Variants in ADPRHL1 observed in about 807,000 individuals in gnomAD.
ADPRHL1 encodes the protein ADP-ribosylhydrolase like 1.
ADPRHL1 carries 43 observed loss-of-function variants against 44.1 expected under a neutral mutation model. That is an observed-to-expected ratio of 0.98 (90% CI 0.76 to 1.26). ADPRHL1 has a LOEUF of 1.26. Among genes scored for constraint, ADPRHL1 ranks in the 50% most tolerant of loss-of-function variants. ADPRHL1 has a pLI of 0.00. For synonymous variants in ADPRHL1, 878 were observed against 1,017.4 expected (o/e 0.86, Z 2.61); for missense variants, 2,022 against 2,496.9 (o/e 0.81, Z 4.05).
In ADPRHL1 at chr13:113,407,077, G is replaced by A. The variant is rs574135709; in HGVS notation, c.2205C>T (p.Thr735=). Residue 735 remains threonine, a synonymous_variant, in exon 8 of 8, where the codon ACC becomes ACT. Transcript: ENST00000612156. Reference sequence around the variant, plus strand: ...CAGTCCCATCACCTCCGGCTGATCCGGTGCCCCAAGGGCTGGCCGGTCCCA... The same window carrying A: ...CAGTCCCATCACCTCCGGCTGATCCAGTGCCCCAAGGGCTGGCCGGTCCCA... ...SPLGPASPWG[T]GSAGGDGTAD... is the part of the protein sequence containing the mutation. The A allele has an allele frequency of 1.5e-5, 18 of 1,232,228 alleles. No individual in the cohort carries two copies. Among genetic ancestry groups the A allele is most frequent in the Admixed American group, 8.4e-5 (2 of 23,722 alleles). The allele number at this position is 1,232,228 out of a possible 1,614,324, so 76.3% of individuals were successfully genotyped here.
chr13:113,403,699 G>A lies in ADPRHL1; in HGVS notation c.5583C>T (p.Tyr1861=). 1.6e-6 allele frequency: 2 copies of A among 1,231,970 alleles called. No individual in the cohort carries two copies. Among genetic ancestry groups the A allele is most frequent in the Non-Finnish European group, 1.0e-6 (1 of 988,232 alleles). 76.3% of individuals were successfully genotyped at this position (1,231,970 alleles called of 1,614,324 possible). A position where few individuals can be genotyped will look rare whatever the true frequency, so the allele number is the denominator to read the frequency against. ...TGAGGGGGCGGCTTCCTGGGGGTGG[G>A]TACCCGGCGCTGGGCTCCCCCAGGC... is the stretch of plus-strand genomic sequence containing the variant. The part of the protein sequence containing the change: ...GSGLGEPSAG[Y]PPPGSRPLRG... Residue 1861 remains tyrosine, a synonymous_variant, in exon 8 of 8, where the codon TAC becomes TAT. Transcript: ENST00000612156.
intron 7 of ADPRHL1, among the ~76,000 whole-genome samples, chr13:113,416,631 T>C (rs527962852): frequency 6.6e-6 from 1 of 152,288 alleles, no homozygotes; most frequent in African/African-American, 2.4e-5. Flanking sequence ...TACAAACATA[T>C]AGATTATAAA....
At chr13:113,450,904 C>G (rs1467946708) in intron 1 of ADPRHL1, among the ~76,000 whole-genome samples, 1 of 151,538 alleles carries the variant, frequency 6.6e-6, no homozygotes, top group Non-Finnish European at 1.5e-5. Flanking sequence ...AGGCCCTCCA[C>G]AAGAGGTGGA....
chr13:113,412,329 C>T (rs373735543), intron 7 of ADPRHL1, among the ~76,000 whole-genome samples: 2 of 152,210 alleles, frequency 1.3e-5, no homozygotes, highest in Admixed American at 6.5e-5. Flanking sequence ...AGGCGCCCGC[C>T]ACCACGCCCG....
chr13:113,414,682 T>TG (rs1440242876), intron 7 of ADPRHL1, among the ~76,000 whole-genome samples: 1 of 150,326 alleles, frequency 6.7e-6, no homozygotes, highest in African/African-American at 2.4e-5. Context: ...GTTTTCTGTT[T>TG]TTTTTTTTTT....
In ADPRHL1 at chr13:113,403,507, G is replaced by A. The variant is rs9604099; in HGVS notation, c.5775C>T (p.Pro1925=). ...GGTGCCTGGACCTCCCGCGACGCTC[G>A]GGCTCCGATGCCTCCATCCTGTCCT... ...ALQDRMEASE[P]ERRGRSRHLA... is the part of the protein sequence containing the mutation. Residue 1925 remains proline, a synonymous_variant, in exon 8 of 8, where the codon CCC becomes CCT. Transcript: ENST00000612156. 0.61 allele frequency: 755,991 copies of A among 1,231,750 alleles called. 237,397 individuals are homozygous for A. The highest frequency in any genetic ancestry group is 0.84 in the African/African-American group (54,088 of 64,398). The allele number at this position is 1,231,750 out of a possible 1,614,324, so 76.3% of individuals were successfully genotyped here. A position where few individuals can be genotyped will look rare whatever the true frequency, so the allele number is the denominator to read the frequency against.
chr13:113,400,706 T>C lies in ADPRHL1; in HGVS notation c.*2672A>G, dbSNP rs1364065503. ...TCCTGGTGAAGTCACTGGCAGTTTTTTCCTGCACACAGAGTAGCTGTGCTG... is the reference window on the plus strand; with the variant it reads ...TCCTGGTGAAGTCACTGGCAGTTTTCTCCTGCACACAGAGTAGCTGTGCTG... On this transcript the variant is annotated 3_prime_UTR_variant, in exon 8 of 8. Coordinates refer to ENST00000612156, the MANE Select transcript of ADPRHL1 (RefSeq NM_001394807.1). 1 of 152,268 alleles carries C rather than the reference T, an allele frequency of 6.6e-6. No homozygotes were observed. Among genetic ancestry groups the C allele is most frequent in the Admixed American group, 6.5e-5 (1 of 15,286 alleles). The allele number at this position is 152,268 out of a possible 1,614,324, so 9.4% of individuals were successfully genotyped here. A position where few individuals can be genotyped will look rare whatever the true frequency, so the allele number is the denominator to read the frequency against.
At chr13:113,435,461 G>A (rs2044046533) in intron 2 of ADPRHL1, among the ~76,000 whole-genome samples, 5 of 119,506 alleles carry the variant, frequency 4.2e-5, no homozygotes, top group African/African-American at 1.4e-4. Flanking sequence ...GTGAACATAG[G>A]TGTACCCCGG....
chr13:113,407,972 A>C lies in ADPRHL1; in HGVS notation c.1310T>G (p.Leu437Arg), dbSNP rs993960009. 1.4e-5 allele frequency: 17 copies of C among 1,232,100 alleles called. No individual in the cohort carries two copies. The Admixed American group carries it at 5.9e-4, about 43-fold the overall frequency. The allele number at this position is 1,232,100 out of a possible 1,614,324, so 76.3% of individuals were successfully genotyped here. Residue 437 changes from leucine (L) to arginine (R), a missense_variant, in exon 8 of 8, where the codon CTG becomes CGG. Physicochemically the swap from Leu to Arg is moderately radical, Grantham distance 102. Around this residue, in one of 8 missense-constraint regions of ADPRHL1, gnomAD observed 1,221 missense variants for 1,517.8 expected, o/e 0.80. Coordinates refer to ENST00000612156, the MANE Select transcript of ADPRHL1 (RefSeq NM_001394807.1). ...GAGGTAGCGCTCCCGGCCAGTGCCC[A>C]GGAACTTGGCCTGCAGGAGCTGGAA... ...TRFQLLQAKF[L>R]GTGRERYLKR...
intron 7 of ADPRHL1, among the ~76,000 whole-genome samples, chr13:113,420,952 C>CA (rs1333454753): frequency 1.3e-4 from 5 of 38,732 alleles, no homozygotes; most frequent in South Asian, 1.8e-3. Flanking sequence ...ACCCTACCCC[C>CA]CCCGACACGC....
intron 7 of ADPRHL1, among the ~76,000 whole-genome samples, chr13:113,413,927 A>G (rs75950423): frequency 0.026 from 3,966 of 152,282 alleles, 173 homozygotes; most frequent in African/African-American, 0.087. Flanking sequence ...TGAAAATACA[A>G]TGAGACTAGA....
In ADPRHL1 at chr13:113,404,511, GC is replaced by G; in HGVS notation, c.4770del (p.Gln1591ArgfsTer32). The G allele has an allele frequency of 7.7e-7, 1 of 1,304,662 alleles. No individual in the cohort carries two copies. The highest frequency in any genetic ancestry group is 2.5e-5 in the South Asian group (1 of 40,026). The allele number at this position is 1,304,662 out of a possible 1,614,324, so 80.8% of individuals were successfully genotyped here. On this transcript the variant is annotated frameshift_variant, in exon 8 of 8. Coordinates refer to ENST00000612156, the MANE Select transcript of ADPRHL1 (RefSeq NM_001394807.1). LOFTEE classifies it low-confidence loss of function (END_TRUNC). ...VQGQAQKWAQ[G>X]QIQGQAQKQV... ...TGTTTCTGGGCCTGTCCCTGAATCT[GC>G]CCCTGAGCCCATTTCTGGGCCTGTC...
At chr13:113,418,655 CAT>C (rs1254049076) in intron 7 of ADPRHL1, among the ~76,000 whole-genome samples, 1 of 152,172 alleles carries the variant, frequency 6.6e-6, no homozygotes, top group Non-Finnish European at 1.5e-5. Context: ...TGAGGACACA[CAT>C]GTCCTTTCTC....
Position 113,433,723 on chromosome 13 carries a change from A to G in ADPRHL1, c.505+19T>C. The G allele has an allele frequency of 7.5e-7, 1 of 1,327,810 alleles. No individual in the cohort carries two copies. Among genetic ancestry groups the G allele is most frequent in the Non-Finnish European group, 9.7e-7 (1 of 1,025,826 alleles). The allele number at this position is 1,327,810 out of a possible 1,614,324, so 82.3% of individuals were successfully genotyped here. A position where few individuals can be genotyped will look rare whatever the true frequency, so the allele number is the denominator to read the frequency against. ...CGCACTCCACGCTGACCTCCCTCCC[A>G]CCCCCCGCCCACACTTACCTGTGGG... On this transcript the variant is annotated intron_variant, in intron 3 of 7. Coordinates refer to ENST00000612156, the MANE Select transcript of ADPRHL1 (RefSeq NM_001394807.1).
Position 113,433,821 on chromosome 13 carries a change from C to T in ADPRHL1, c.426G>A (p.Arg142=). The change falls in exon 3 of 8, where the codon CGG becomes CGA. Residue 142 remains arginine (R), a synonymous_variant. Transcript: ENST00000612156. ...TCTCCAGCCGCTCAGGCTTCCAGTA[C>T]CGCAGGCCGATGCACATGGCCTTGG... is the stretch of plus-strand genomic sequence containing the variant. ...AATKAMCIGL[R]YWKPERLETL... The T allele has an allele frequency of 6.3e-7, 1 of 1,579,132 alleles. No individual in the cohort carries two copies. Among genetic ancestry groups the T allele is most frequent in the Non-Finnish European group, 8.6e-7 (1 of 1,162,868 alleles).
rs373880722 is a variant in ADPRHL1, at chr13:113,406,004, C to T, written c.3278G>A (p.Arg1093His). 12 of 1,232,004 alleles carry T rather than the reference C, an allele frequency of 9.7e-6. No individual in the cohort carries two copies. Among genetic ancestry groups the T allele is most frequent in the African/African-American group, 9.3e-5 (6 of 64,436 alleles). 76.3% of individuals were successfully genotyped at this position (1,232,004 alleles called of 1,614,324 possible). Reference sequence around the variant, plus strand: ...ATTTAATGAGGACAGTGGGTTCTCGCGAACATCATGGCTGGTGATTTCCTC... The same window carrying T: ...ATTTAATGAGGACAGTGGGTTCTCGTGAACATCATGGCTGGTGATTTCCTC... The part of the protein sequence containing the change: ...AAEEITSHDV[R>H]ENPLSSLNEP... The change falls in exon 8 of 8, where the codon CGC becomes CAC. Residue 1093 changes from arginine (R) to histidine (H), a missense_variant. Coordinates refer to ENST00000612156, the MANE Select transcript of ADPRHL1 (RefSeq NM_001394807.1).
At position 113,405,464 on chromosome 13, in the gene ADPRHL1, G is replaced by A. The variant is rs1000583084; in HGVS notation, c.3818C>T (p.Ala1273Val). ...GCTGGGGGACTCTGCCACGCTCCTT[G>A]CCTGTGGCCTAGGATGATCAGAAGC... ...IPASDHPRPQ[A>V]RSVAESPSYG... The change falls in exon 8 of 8, where the codon GCA (alanine) becomes GTA (valine). Residue 1273 changes from alanine to valine, a missense_variant. Transcript: ENST00000612156. 1.1e-5 allele frequency: 14 copies of A among 1,231,874 alleles called. No homozygotes were observed. The East Asian group carries it at 4.4e-4, about 39-fold the overall frequency. 76.3% of individuals were successfully genotyped at this position (1,231,874 alleles called of 1,614,324 possible).
intron 4 of ADPRHL1, among the ~76,000 whole-genome samples, chr13:113,425,901 G>C (rs573269096): frequency 2.0e-5 from 3 of 151,774 alleles, no homozygotes; most frequent in African/African-American, 7.3e-5. Context: ...GGCTGGTCTC[G>C]AATTCCTGAC....
At position 113,453,214 on chromosome 13, in the gene ADPRHL1, C is replaced by T. The variant is rs375062807; in HGVS notation, c.214+10G>A. 94 of 1,613,814 alleles carry T rather than the reference C, an allele frequency of 5.8e-5. No homozygotes were observed. Among genetic ancestry groups the T allele is most frequent in the Non-Finnish European group, 7.8e-5 (92 of 1,180,010 alleles). ...AGCCCGCACACCGGAGCGCGGTGGG[C>T]CCAGCCTACCTGTGGTGAGGGCCTC... On this transcript the variant is annotated intron_variant, in intron 1 of 7. Transcript: ENST00000612156. This position sits in a 1 kb window ranked among gnomAD's most constrained non-coding sequence, Gnocchi z 5.4.
Sources: gnomAD v4.1 joint callset for allele counts (sites outside exome capture counted in the v4.1 genomes callset) on GRCh38, gnomAD v4.1.1 for gene constraint, gnomAD v4.1.1 regional missense constraint, Gnocchi (gnomAD v3.1) non-coding constraint, MANE v1.5 for transcripts, NCBI Gene and HGNC (gene_info 2026-07-23, HGNC 2026-07-21) for gene names.